GPR158: variants seen among roughly 807,000 people sequenced by gnomAD.
GPR158 encodes the protein G protein-coupled receptor 158.
In GPR158, 30 loss-of-function variants were observed where a neutral mutation model predicts 78.2. The observed-to-expected ratio is 0.38, with a 90% CI of 0.29 to 0.52. The LOEUF (loss-of-function observed/expected upper bound fraction) is 0.52, where lower values mean the gene tolerates loss of function less well. GPR158 is among the 20% of genes least tolerant of loss of function. The pLI, the probability that GPR158 is intolerant of heterozygous loss-of-function variation, is 0.83. For missense variants in GPR158, 1,463 were observed against 1,523.5 expected (o/e 0.96, Z 0.66); for synonymous variants, 581 against 591.1 (o/e 0.98, Z 0.25).
At chr10:25,372,582 A>G (rs529303539) in intron 2 of GPR158, among the ~76,000 whole-genome samples, 3 of 147,572 alleles carry the variant, frequency 2.0e-5, no homozygotes, top group African/African-American at 7.5e-5. Context: ...ATTGGAAATC[A>G]CCATTCTCAG....
intron 7 of GPR158, 105 bp from the exon 8 acceptor site, chr10:25,588,902 C>T: frequency 3.3e-6 from 2 of 614,540 alleles, no homozygotes; most frequent in Non-Finnish European, 5.3e-6. Flanking sequence ...TCTAACCCAT[C>T]TATTTATAAA....
chr10:25,281,135 C>CAAAAAAAA (rs35128473), intron 2 of GPR158, among the ~76,000 whole-genome samples: 1 of 112,094 alleles, frequency 8.9e-6, no homozygotes. Context: ...AACTCTATCT[C>CAAAAAAAA]AAAAAAAAAA....
intron 2 of GPR158, among the ~76,000 whole-genome samples, chr10:25,384,056 A>C (rs1389075608): frequency 1.3e-5 from 2 of 152,236 alleles, no homozygotes; most frequent in Non-Finnish European, 2.9e-5. Context: ...AACAGTAAAT[A>C]TTAACTATTT....
chr10:25,439,000 T>C (rs562072782), intron 4 of GPR158, among the ~76,000 whole-genome samples: 1 of 152,346 alleles, frequency 6.6e-6, no homozygotes, highest in South Asian at 2.1e-4. Context: ...ATGTTGCCTC[T>C]GGCTGATTTC....
chr10:25,590,673 A>G (rs975181512), intron 8 of GPR158, among the ~76,000 whole-genome samples: 10 of 152,198 alleles, frequency 6.6e-5, no homozygotes, highest in Admixed American at 2.6e-4. Flanking sequence ...TAACAAATCA[A>G]CTAAAGTTAA....
At chr10:25,213,686 A>G (rs996418663) in intron 1 of GPR158, among the ~76,000 whole-genome samples, 2 of 152,110 alleles carry the variant, frequency 1.3e-5, no homozygotes, top group Admixed American at 6.5e-5. Flanking sequence ...CTGTTCATTA[A>G]AAGTTTGGTA....
chr10:25,391,390 G>A (rs903050141), intron 2 of GPR158, among the ~76,000 whole-genome samples: 1 of 152,150 alleles, frequency 6.6e-6, no homozygotes, highest in Admixed American at 6.5e-5. Context: ...GCCAGGAGGT[G>A]GACTTTACCC....
chr10:25,416,846 C>A (rs1009337737), intron 4 of GPR158, among the ~76,000 whole-genome samples: 1 of 152,022 alleles, frequency 6.6e-6, no homozygotes, highest in Admixed American at 6.6e-5. Context: ...AAAAACACTT[C>A]TAGAAGATTA....
chr10:25,316,004 A>G (rs944655365), intron 2 of GPR158, among the ~76,000 whole-genome samples: 2 of 152,162 alleles, frequency 1.3e-5, no homozygotes, highest in African/African-American at 4.8e-5. Context: ...GTTTAGCTGA[A>G]TATAAATACT....
At chr10:25,209,259 T>C (rs563395204) in intron 1 of GPR158, among the ~76,000 whole-genome samples, 1 of 152,244 alleles carries the variant, frequency 6.6e-6, no homozygotes, top group African/African-American at 2.4e-5. Context: ...GTTAGATCTA[T>C]GTACCACTCT....
At chr10:25,479,854 C>T (rs533678159) in intron 5 of GPR158, among the ~76,000 whole-genome samples, 23 of 152,074 alleles carry the variant, frequency 1.5e-4, no homozygotes, top group Non-Finnish European at 2.5e-4. Context: ...CTTCGTGATA[C>T]ATAAGTTATG....
Position 25,262,484 on chromosome 10 carries a change from T to C in GPR158, c.1008+41327T>C, listed in dbSNP as rs139199445. Among the ~76,000 whole-genome samples the C allele has an allele frequency of 9.8e-5, 15 of 152,304 alleles. No individual in the cohort carries two copies. In the East Asian group the frequency reaches 2.9e-3, roughly 29 times the overall value. ...GGTTTTATTTCCAAATTTTGTGATA[T>C]ATTATTTTTCTTTAAAAATTATTTT... On this transcript the variant is annotated intron_variant, in intron 2 of 10. Transcript: ENST00000376351.
chr10:25,472,996 A>C (rs57470110), intron 5 of GPR158, among the ~76,000 whole-genome samples: 36,708 of 151,804 alleles, frequency 0.24, 6,123 homozygotes, highest in African/African-American at 0.48. Flanking sequence ...ACTATGTTGA[A>C]TAGGAGTGGT....
chr10:25,576,587 A>T (rs1837100496), intron 7 of GPR158, among the ~76,000 whole-genome samples: 1 of 152,200 alleles, frequency 6.6e-6, no homozygotes. Context: ...TGAGATAGAT[A>T]GTGCAAAAGA....
At position 25,415,881 on chromosome 10, in the gene GPR158, G is replaced by A. The variant is rs140440657; in HGVS notation, c.1335+3408G>A. On this transcript the variant is annotated intron_variant, in intron 4 of 10. Coordinates refer to ENST00000376351, the MANE Select transcript of GPR158 (RefSeq NM_020752.3). ...GGGGAGTTACCACTAATGAGTTCAG[G>A]GTTTCTTTTTGGAAAGACAAAAATG... is the stretch of plus-strand genomic sequence containing the variant. Among the ~76,000 whole-genome samples, 151 of 151,972 alleles carry A rather than the reference G, an allele frequency of 9.9e-4. 1 individual carries two copies. The highest frequency in any genetic ancestry group is 3.2e-3 in the African/African-American group (132 of 41,472).
chr10:25,383,491 T>C (rs183911968), intron 2 of GPR158, among the ~76,000 whole-genome samples: 1 of 152,154 alleles, frequency 6.6e-6, no homozygotes, highest in Non-Finnish European at 1.5e-5. Flanking sequence ...GGGGGTTTCG[T>C]TTTCAGGAAA....
chr10:25,313,923 A>G (rs1294153789), intron 2 of GPR158, among the ~76,000 whole-genome samples: 2 of 152,110 alleles, frequency 1.3e-5, no homozygotes, highest in African/African-American at 4.8e-5. Flanking sequence ...CGGTCTTTAA[A>G]GGTTTGGTGT....
At chr10:25,246,394 CT>C (rs1365340239) in intron 2 of GPR158, among the ~76,000 whole-genome samples, 1 of 152,148 alleles carries the variant, frequency 6.6e-6, no homozygotes, top group Admixed American at 6.6e-5. Flanking sequence ...GTGTTACATG[CT>C]TTTCCCCCCT....
At chr10:25,248,173 T>G (rs1853729223) in intron 2 of GPR158, among the ~76,000 whole-genome samples, 1 of 151,964 alleles carries the variant, frequency 6.6e-6, no homozygotes, top group Non-Finnish European at 1.5e-5. Flanking sequence ...GTTTGTTTTT[T>G]TCTTGTAAAT....
Sources: allele counts gnomAD v4.1 joint callset (sites outside exome capture counted in the v4.1 genomes callset), GRCh38; gene constraint gnomAD v4.1.1; transcripts MANE v1.5; gene names NCBI Gene and HGNC (gene_info 2026-07-23, HGNC 2026-07-21).